CBFA2T3: variants seen among roughly 807,000 people sequenced by gnomAD.
CBFA2T3 encodes the protein CBFA2/RUNX1 partner transcriptional co-repressor 3.
A neutral mutation model predicts 58.6 loss-of-function variants in CBFA2T3; 31 were observed. The ratio of observed to expected loss-of-function variants is 0.53; its 90% CI spans 0.40 to 0.71. CBFA2T3 has a LOEUF of 0.71. Among genes scored for constraint, CBFA2T3 ranks in the 30% least tolerant of loss-of-function variants. The probability of loss-of-function intolerance (pLI) is 0.00; values close to 1 mark genes in which losing one functional copy is unlikely to be tolerated. For synonymous variants in CBFA2T3, 531 were observed against 421.9 expected (o/e 1.26, Z -3.17); for missense variants, 1,076 against 963.1 (o/e 1.12, Z -1.55).
At chr16:88,910,549 C>G (rs1970498692) in intron 1 of CBFA2T3, among the ~76,000 whole-genome samples, 1 of 152,242 alleles carries the variant, frequency 6.6e-6, no homozygotes, top group African/African-American at 2.4e-5. Flanking sequence ...GAGCCACCGT[C>G]ATCTGAAGGC....
At chr16:88,925,575 G>C (rs917502776) in intron 1 of CBFA2T3, among the ~76,000 whole-genome samples, 8 of 152,332 alleles carry the variant, frequency 5.3e-5, no homozygotes, top group Admixed American at 2.0e-4. Context: ...TCACTTTGCA[G>C]TGGCAGACAC....
chr16:88,947,734 C>T (rs1971941021), intron 1 of CBFA2T3, among the ~76,000 whole-genome samples: 1 of 152,112 alleles, frequency 6.6e-6, no homozygotes, highest in Non-Finnish European at 1.5e-5. Context: ...GGCAACATAG[C>T]AAGACCTCAT....
At position 88,877,039 on chromosome 16, in the gene CBFA2T3, A is replaced by C; in HGVS notation, c.1899T>G (p.Ser633=). 6.6e-7 allele frequency: 1 copy of C among 1,510,384 alleles called. No homozygotes were observed. The highest frequency in any genetic ancestry group is 8.8e-7 in the Non-Finnish European group (1 of 1,130,170). The allele number at this position is 1,510,384 out of a possible 1,614,324, so 93.6% of individuals were successfully genotyped here. ...GGGAGCCGGGGCGAGAAGGCCCCGC[A>C]GAGCCGGCTTCGCTGGGGCTGGCAG... is the stretch of plus-strand genomic sequence containing the variant. ...VGAASPSEAG[S]AGPSRPGSPS... is the part of the protein sequence containing the mutation. Residue 633 remains serine (S), a synonymous_variant, in exon 12 of 12, where the codon TCT becomes TCG. Coordinates refer to ENST00000268679, the MANE Select transcript of CBFA2T3 (RefSeq NM_005187.6).
intron 1 of CBFA2T3, among the ~76,000 whole-genome samples, chr16:88,957,299 C>T (rs1325568621): frequency 1.3e-5 from 2 of 152,260 alleles, no homozygotes; most frequent in Non-Finnish European, 2.9e-5. Context: ...GCTGCCTTTC[C>T]CTGCCCTCGG....
intron 1 of CBFA2T3, among the ~76,000 whole-genome samples, chr16:88,970,335 G>A (rs56361264): frequency 0.2 from 31,145 of 152,190 alleles, 4,007 homozygotes; most frequent in Non-Finnish European, 0.29. Flanking sequence ...AGGTGGGTTC[G>A]GAGGGGCTCA....
intron 1 of CBFA2T3, among the ~76,000 whole-genome samples, chr16:88,970,189 G>A (rs556336679): frequency 1.2e-4 from 19 of 152,368 alleles, no homozygotes; most frequent in African/African-American, 3.8e-4. Context: ...TCCAGGAGGC[G>A]GTGGCGGCGG....
intron 1 of CBFA2T3, among the ~76,000 whole-genome samples, chr16:88,963,321 G>T: frequency 6.6e-6 from 1 of 150,810 alleles, no homozygotes; most frequent in Non-Finnish European, 1.5e-5. Flanking sequence ...AGGGGCGGGC[G>T]CTCATCTTCT....
At chr16:88,975,646 G>C (rs987610151) in intron 1 of CBFA2T3, among the ~76,000 whole-genome samples, 1 of 152,278 alleles carries the variant, frequency 6.6e-6, no homozygotes, top group Non-Finnish European at 1.5e-5. Context: ...AGTAGCACTG[G>C]CTGTGGTGAG....
intron 1 of CBFA2T3, among the ~76,000 whole-genome samples, chr16:88,962,924 C>G (rs1291238001): frequency 6.6e-6 from 1 of 152,192 alleles, no homozygotes; most frequent in Non-Finnish European, 1.5e-5. Flanking sequence ...AAAACTTCCA[C>G]TTGCTTGATT....
chr16:88,883,207 T>C (rs2142544231), intron 7 of CBFA2T3: 1 of 231,818 alleles, frequency 4.3e-6, no homozygotes, highest in Non-Finnish European at 8.7e-6. Context: ...AGTCACACCA[T>C]GACCTGGACC....
chr16:88,905,708 G>T (rs1010337170), intron 1 of CBFA2T3, among the ~76,000 whole-genome samples: 1 of 133,594 alleles, frequency 7.5e-6, no homozygotes, highest in Non-Finnish European at 1.6e-5. Flanking sequence ...GAGGGGCGGG[G>T]CTGGAGGGGC....
intron 1 of CBFA2T3, among the ~76,000 whole-genome samples, chr16:88,911,251 C>T (rs1378904024): frequency 2.6e-5 from 4 of 152,214 alleles, no homozygotes; most frequent in Admixed American, 6.5e-5. Flanking sequence ...TGGGTGATGA[C>T]GATGGACGGC....
rs1970944303 is a variant in CBFA2T3, at chr16:88,922,193, G to GGTAC, written c.152-20538_152-20537insGTAC. Among the ~76,000 whole-genome samples, 4 of 152,372 alleles carry GGTAC rather than the reference G, an allele frequency of 2.6e-5. No individual in the cohort carries two copies. The South Asian group carries it at 8.3e-4, about 32-fold the overall frequency. The stretch of plus-strand genomic sequence containing the variant: ...GGCATCTGAGGGTCTTCACCCAAGA[G>GGTAC]GGTACCCCATGCCTCCCTGGAAAAC... On this transcript the variant is annotated intron_variant, in intron 1 of 11. Transcript: ENST00000268679.
intron 1 of CBFA2T3, among the ~76,000 whole-genome samples, chr16:88,931,534 G>A (rs550566781): frequency 6.6e-6 from 1 of 152,254 alleles, no homozygotes; most frequent in African/African-American, 2.4e-5. Flanking sequence ...GCCGTGGGCC[G>A]GCCCCGTGGA....
intron 3 of CBFA2T3, among the ~76,000 whole-genome samples, chr16:88,896,405 C>A (rs1009118668): frequency 3.3e-5 from 5 of 152,186 alleles, no homozygotes; most frequent in African/African-American, 1.2e-4. Flanking sequence ...CCCTCTGGAG[C>A]GCGCGGCACC....
intron 3 of CBFA2T3, among the ~76,000 whole-genome samples, chr16:88,895,627 G>C (rs1379739843): frequency 6.6e-6 from 1 of 152,138 alleles, no homozygotes; most frequent in Non-Finnish European, 1.5e-5. Flanking sequence ...GGGGGGAACA[G>C]GTGTGCCCAC....
At chr16:88,976,601 G>A (rs1348956612) in intron 1 of CBFA2T3, 56 bp downstream of exon 1, 8 of 1,361,082 alleles carry the variant, frequency 5.9e-6, no homozygotes, top group Admixed American at 2.1e-5. Flanking sequence ...TCACAGCCCC[G>A]GCACCGGCTG....
intron 1 of CBFA2T3, among the ~76,000 whole-genome samples, chr16:88,975,543 C>T (rs1044905092): frequency 4.6e-5 from 7 of 152,262 alleles, no homozygotes; most frequent in African/African-American, 1.2e-4. Flanking sequence ...TAGACAGGGC[C>T]GCTCCAGAGA....
Position 88,899,440 on chromosome 16 carries a change from A to C in CBFA2T3, c.305-1288T>G, listed in dbSNP as rs193241517. 4.1e-3 allele frequency among the ~76,000 whole-genome samples: 624 copies of C among 152,322 alleles called. 2 individuals are homozygous for C. The highest frequency in any genetic ancestry group is 0.014 in the African/African-American group (595 of 41,572). Reference sequence around the variant, plus strand: ...CTTAGAAAAGAAAAAGCACCTGCTTATCTCTTTCATAACCTTCACGCTCCT... The same window carrying C: ...CTTAGAAAAGAAAAAGCACCTGCTTCTCTCTTTCATAACCTTCACGCTCCT... On this transcript the variant is annotated intron_variant, in intron 2 of 11. Transcript: ENST00000268679.
Sources: gnomAD v4.1 joint callset for allele counts (sites outside exome capture counted in the v4.1 genomes callset) on GRCh38, gnomAD v4.1.1 for gene constraint, MANE v1.5 for transcripts, NCBI Gene and HGNC (gene_info 2026-07-23, HGNC 2026-07-21) for gene names.